The following SGCD variants were observed in gnomAD, a reference collection of about 807,000 sequenced individuals.
SGCD encodes sarcoglycan delta, also known as delta-sarcoglycan.
Under a neutral mutation model 36.6 loss-of-function variants are expected in SGCD, and 18 were observed. The ratio of observed to expected loss-of-function variants is 0.49; its 90% CI spans 0.34 to 0.73. The LOEUF (loss-of-function observed/expected upper bound fraction) is 0.73. Ranked by LOEUF, SGCD falls within the 30% of genes least tolerant of loss-of-function variation. The pLI is 0.01. For synonymous variants in SGCD, 133 were observed against 130.6 expected, an observed-to-expected ratio of 1.02 and a Z score of -0.12; for missense variants, 387 against 346.7, an observed-to-expected ratio of 1.12 and a Z score of -0.92.
chr5:156,294,699 G>A (rs1250427494), intron 3 of SGCD, among the ~76,000 whole-genome samples: 1 of 152,080 alleles, frequency 6.6e-6, no homozygotes, highest in Non-Finnish European at 1.5e-5. Context: ...AAAAGGTGTT[G>A]AATTTTGTCA....
At position 156,537,950 on chromosome 5, in the gene SGCD, T is replaced by C. The variant is rs185902025; in HGVS notation, c.294+29248T>C. ...ATACCGTCTTTTCTTCCTGTGAGGG[T>C]TAACTAAACCAAAGATTATATATCT... On this transcript the variant is annotated intron_variant, in intron 4 of 8. Transcript: ENST00000337851. Among the ~76,000 whole-genome samples the C allele has an allele frequency of 7.9e-4, 121 of 152,284 alleles. 1 individual carries two copies. The highest frequency in any genetic ancestry group is 2.7e-3 in the African/African-American group (114 of 41,564).
the SGCD span, among the ~76,000 whole-genome samples, chr5:155,820,515 T>A: frequency 6.6e-6 from 1 of 151,762 alleles, no homozygotes; most frequent in African/African-American, 2.4e-5. Context: ...AAAAAATAAA[T>A]AAATGAATAA....
At chr5:156,398,268 A>AG (rs1771968934) in intron 3 of SGCD, among the ~76,000 whole-genome samples, 1 of 152,214 alleles carries the variant, frequency 6.6e-6, no homozygotes, top group African/African-American at 2.4e-5. Flanking sequence ...TTTTACTTGA[A>AG]GGGAAAAAGC....
the SGCD span, among the ~76,000 whole-genome samples, chr5:155,783,647 GATTA>G: frequency 6.6e-6 from 1 of 152,040 alleles, no homozygotes; most frequent in Non-Finnish European, 1.5e-5. Flanking sequence ...GAATAAAAGA[GATTA>G]ATTGTCCTCA....
chr5:156,715,245 C>A (rs1755166100), intron 7 of SGCD, among the ~76,000 whole-genome samples: 1 of 152,026 alleles, frequency 6.6e-6, no homozygotes, highest in Non-Finnish European at 1.5e-5. Flanking sequence ...AAATTCAATG[C>A]AATTATTATG....
intron 1 of SGCD, among the ~76,000 whole-genome samples, chr5:155,941,113 A>C (rs569164223): frequency 9.9e-5 from 15 of 152,260 alleles, no homozygotes; most frequent in Admixed American, 6.5e-4. Flanking sequence ...AGGGCAAAAG[A>C]GTACCAGAAA....
chr5:156,214,493 A>G lies in SGCD; in HGVS notation c.-44+90474A>G, dbSNP rs539539160. 5.9e-5 allele frequency among the ~76,000 whole-genome samples: 9 copies of G among 152,198 alleles called. No homozygotes were observed. The South Asian group carries it at 1.4e-3, about 24-fold the overall frequency. On this transcript the variant is annotated intron_variant, in intron 3 of 9. Transcript: ENST00000517913. ...ATAAATGGAAAGATATGTCGTGTTTATGGATTGGAAGAATATTGTTAAAAT... is the reference window on the plus strand; with the variant it reads ...ATAAATGGAAAGATATGTCGTGTTTGTGGATTGGAAGAATATTGTTAAAAT...
chr5:155,812,121 A>G, the SGCD span, among the ~76,000 whole-genome samples: 2 of 152,242 alleles, frequency 1.3e-5, no homozygotes, highest in Admixed American at 6.5e-5. Flanking sequence ...CGGTTAGACC[A>G]GAAATTCTCG....
chr5:156,701,646 A>C (rs1259176668), intron 7 of SGCD, among the ~76,000 whole-genome samples: 1 of 152,186 alleles, frequency 6.6e-6, no homozygotes. Flanking sequence ...TTAGACCATC[A>C]TTCTCAGTAA....
intron 1 of SGCD, among the ~76,000 whole-genome samples, chr5:156,047,974 C>G (rs1198015319): frequency 6.6e-6 from 1 of 152,020 alleles, no homozygotes; most frequent in Non-Finnish European, 1.5e-5. Flanking sequence ...CTTCCCCCAT[C>G]CCCTCACCCC....
intron 1 of SGCD, among the ~76,000 whole-genome samples, chr5:156,005,030 T>A (rs1010562313): frequency 6.6e-6 from 1 of 152,054 alleles, no homozygotes; most frequent in African/African-American, 2.4e-5. Flanking sequence ...GGCAGGAGGG[T>A]GCTGCTTCCC....
chr5:156,051,688 A>G (rs1759919627), intron 1 of SGCD, among the ~76,000 whole-genome samples: 2 of 146,250 alleles, frequency 1.4e-5, no homozygotes, highest in South Asian at 4.3e-4. Flanking sequence ...GAAAAAGTAA[A>G]AAACTAAACA....
the SGCD span, among the ~76,000 whole-genome samples, chr5:155,736,289 A>AAGCTT: frequency 6.6e-6 from 1 of 152,166 alleles, no homozygotes; most frequent in Non-Finnish European, 1.5e-5. Context: ...GCATCCCAAA[A>AAGCTT]AGCTTACCAA....
In SGCD at chr5:156,763,292, C is replaced by G. The variant is rs1023488397; in HGVS notation, c.*3902C>G. The G allele has an allele frequency of 6.6e-6, 1 of 152,606 alleles. No homozygotes were observed. The allele number at this position is 152,606 out of a possible 1,614,324, so 9.5% of individuals were successfully genotyped here. On this transcript the variant is annotated 3_prime_UTR_variant, in exon 9 of 9. Coordinates refer to ENST00000337851, the MANE Select transcript of SGCD (RefSeq NM_000337.6). ...GAGGGATGCCCATTCCATGGTCCTC[C>G]AGAGAATAGTTTTGACTTAACATGT...
At chr5:156,204,469 C>T (rs934004698) in intron 3 of SGCD, among the ~76,000 whole-genome samples, 1 of 107,258 alleles carries the variant, frequency 9.3e-6, no homozygotes. Context: ...AGCCAACACA[C>T]TCATACACAC....
Position 156,058,628 on chromosome 5 carries a change from T to A in SGCD, c.-281-59250T>A, listed in dbSNP as rs1360780344. ...GATTCAAACAAGTAACCTAAAAAAA[T>A]ACTTAGGAGACAGTTGGAAATATGA... is the stretch of plus-strand genomic sequence containing the variant. On this transcript the variant is annotated intron_variant, in intron 1 of 9. Coordinates refer to the SGCD transcript ENST00000517913. Among the ~76,000 whole-genome samples, 2 of 146,354 alleles carry A rather than the reference T, an allele frequency of 1.4e-5. 1 individual carries two copies. Among genetic ancestry groups the A allele is most frequent in the Non-Finnish European group, 3.1e-5 (2 of 64,950 alleles).
At chr5:156,409,747 A>C (rs1054778511) in intron 3 of SGCD, among the ~76,000 whole-genome samples, 1 of 152,228 alleles carries the variant, frequency 6.6e-6, no homozygotes, top group Non-Finnish European at 1.5e-5. Context: ...TAATGGATAA[A>C]TAGTCCTATC....
chr5:156,610,186 G>T (rs542257440), intron 6 of SGCD, among the ~76,000 whole-genome samples: 95 of 152,200 alleles, frequency 6.2e-4, no homozygotes, highest in Non-Finnish European at 1.1e-3. Flanking sequence ...ATCTACCTTT[G>T]GTCTTTGATG....
intron 4 of SGCD, among the ~76,000 whole-genome samples, chr5:156,578,541 T>G (rs1561791373): frequency 6.6e-6 from 1 of 152,214 alleles, no homozygotes; most frequent in Non-Finnish European, 1.5e-5. Flanking sequence ...ATCCATCTGG[T>G]CCTGGACTTC....
Sources: gnomAD v4.1 joint callset for allele counts (sites outside exome capture counted in the v4.1 genomes callset) on GRCh38, gnomAD v4.1.1 for gene constraint, MANE v1.5 for transcripts, NCBI Gene and HGNC (gene_info 2026-07-23, HGNC 2026-07-21) for gene names.